The following LLGL2 variants were observed in gnomAD, a reference collection of about 807,000 sequenced individuals.
LLGL2 encodes LLGL2, scribble cell polarity complex component.
A neutral mutation model predicts 123.2 loss-of-function variants in LLGL2; 81 were observed. That is an observed-to-expected ratio of 0.66 (90% CI 0.55 to 0.79). The LOEUF (loss-of-function observed/expected upper bound fraction) is 0.79. Among genes scored for constraint, LLGL2 ranks in the 30% least tolerant of loss-of-function variants. The pLI is 0.00. For synonymous variants in LLGL2, 577 were observed against 594.1 expected, an observed-to-expected ratio of 0.97 and a Z score of 0.42; for missense variants, 1,273 against 1,414.6, an observed-to-expected ratio of 0.90 and a Z score of 1.61.
intron 10 of LLGL2, chr17:75,567,898 A>G: frequency 8.1e-6 from 2 of 245,958 alleles, no homozygotes; most frequent in Non-Finnish European, 1.3e-5. Flanking sequence ...CCGAGATCAC[A>G]CCACTGTACT....
chr17:75,555,642 A>G (rs192451173), intron 2 of LLGL2, among the ~76,000 whole-genome samples: 4 of 151,962 alleles, frequency 2.6e-5, no homozygotes, highest in Admixed American at 2.6e-4. Flanking sequence ...TGCAACCAAG[A>G]TTTTCTCCCG....
rs139094573 is a variant in LLGL2, at chr17:75,573,243, G to C, written c.2690G>C (p.Gly897Ala). The part of the protein sequence containing the change: ...YSCIRREDVS[G>A]IASCVFTKYG... ...TGCATCCGCCGGGAGGACGTCAGTGGCATCGCCTCCTGCGTCTTCACCAAA... is the reference window on the plus strand; with the variant it reads ...TGCATCCGCCGGGAGGACGTCAGTGCCATCGCCTCCTGCGTCTTCACCAAA... Residue 897 changes from glycine to alanine, a missense_variant, in exon 20 of 26, where the codon GGC (glycine) becomes GCC (alanine). Transcript: ENST00000392550. 3.6e-5 allele frequency: 58 copies of C among 1,608,522 alleles called. No individual in the cohort carries two copies. The African/African-American group carries it at 7.5e-4, about 21-fold the overall frequency.
Position 75,569,125 on chromosome 17 carries a change from C to T in LLGL2, c.1470C>T (p.Leu490=). ...SAQGEDEWPP[L]RKVGSFDPYS... The stretch of plus-strand genomic sequence containing the variant: ...AGGGCGAGGACGAGTGGCCCCCACT[C>T]CGCAAGGTGAGGCCAGGAGCCTGGG... Residue 490 remains leucine, a synonymous_variant, in exon 13 of 26, where the codon CTC becomes CTT. Coordinates refer to ENST00000392550, the MANE Select transcript of LLGL2 (RefSeq NM_001031803.2). The T allele has an allele frequency of 6.2e-7, 1 of 1,613,472 alleles. No homozygotes were observed. Among genetic ancestry groups the T allele is most frequent in the Non-Finnish European group, 8.5e-7 (1 of 1,179,916 alleles).
rs372916600 is a variant in LLGL2, at chr17:75,569,042, C to T, written c.1387C>T (p.Leu463Phe). Residue 463 changes from leucine (L) to phenylalanine (F), a missense_variant, in exon 13 of 26, where the codon CTC (leucine) becomes TTC (phenylalanine). Transcript: ENST00000392550. Reference sequence around the variant, plus strand: ...TGTCTGCCTGCGGCTGCTCTACAAACTCAGCACTGTGCGCGTGTTCCTCAC... The same window carrying T: ...TGTCTGCCTGCGGCTGCTCTACAAATTCAGCACTGTGCGCGTGTTCCTCAC... ...SGVCLRLLYK[L>F]STVRVFLTDT... 146 of 1,612,746 alleles carry T rather than the reference C, an allele frequency of 9.1e-5. No individual in the cohort carries two copies. The highest frequency in any genetic ancestry group is 7.5e-5 in the Non-Finnish European group (89 of 1,179,674).
intron 1 of LLGL2, among the ~76,000 whole-genome samples, chr17:75,539,208 C>T (rs915151061): frequency 2.6e-5 from 4 of 152,066 alleles, no homozygotes; most frequent in Non-Finnish European, 5.9e-5. Context: ...CAGGTGCATG[C>T]CACCATGCCC....
At chr17:75,557,469 C>G (rs1470616879) in intron 3 of LLGL2, among the ~76,000 whole-genome samples, 1 of 152,228 alleles carries the variant, frequency 6.6e-6, no homozygotes, top group Non-Finnish European at 1.5e-5. Flanking sequence ...AGATGAAAAA[C>G]CGGATCAGGT....
intron 2 of LLGL2, chr17:75,546,469 G>A (rs925274903): frequency 1.1e-5 from 2 of 177,176 alleles, no homozygotes; most frequent in African/African-American, 4.8e-5. Flanking sequence ...GGCCACGTCT[G>A]GCTGGCGGCT....
rs2055568062 is a variant in LLGL2 at position 75,568,961 on chromosome 17, G to A, written c.1323-17G>A. 6.2e-7 allele frequency: 1 copy of A among 1,605,618 alleles called. No homozygotes were observed. Among genetic ancestry groups the A allele is most frequent in the East Asian group, 2.2e-5 (1 of 44,680 alleles). On this transcript the variant is annotated splice_polypyrimidine_tract_variant and intron_variant, in intron 12 of 25. Coordinates refer to ENST00000392550, the MANE Select transcript of LLGL2 (RefSeq NM_001031803.2). ...CTGGCATCCCTCTCACGCCTGGCAG[G>A]TGGGTTCTGCCCACAGGCACGAGGA... is the stretch of plus-strand genomic sequence containing the variant.
chr17:75,529,730 G>A (rs967253062), intron 1 of LLGL2, among the ~76,000 whole-genome samples: 1 of 151,688 alleles, frequency 6.6e-6, no homozygotes, highest in Non-Finnish European at 1.5e-5. Context: ...GCGTGGTGGT[G>A]CGTGCCTGTA....
At position 75,570,488 on chromosome 17, in the gene LLGL2, C is replaced by T. The variant is rs1158120568; in HGVS notation, c.2015C>T (p.Pro672Leu). 1.9e-6 allele frequency: 3 copies of T among 1,574,050 alleles called. No individual in the cohort carries two copies. The highest frequency in any genetic ancestry group is 1.9e-4 in the Middle Eastern group (1 of 5,336). The change falls in exon 16 of 26, where the codon CCC (proline) becomes CTC (leucine). Residue 672 changes from proline to leucine, a missense_variant. Coordinates refer to ENST00000392550, the MANE Select transcript of LLGL2 (RefSeq NM_001031803.2). Reference sequence around the variant, plus strand: ...AGCCGGAAGCGGCACCCGGCTGGCCCCCCAGGAGAGGTGAGGCCTGAGGTG... The same window carrying T: ...AGCCGGAAGCGGCACCCGGCTGGCCTCCCAGGAGAGGTGAGGCCTGAGGTG... ...VSSRKRHPAG[P>L]PGEAQEGSAK...
At chr17:75,537,653 C>T (rs990973323) in intron 1 of LLGL2, among the ~76,000 whole-genome samples, 4 of 151,328 alleles carry the variant, frequency 2.6e-5, no homozygotes, top group East Asian at 2.0e-4. Flanking sequence ...GCTAAGATTA[C>T]ACCACTGCAC....
At position 75,574,935 on chromosome 17, in the gene LLGL2, G is replaced by A; in HGVS notation, c.*57G>A. The A allele has an allele frequency of 1.2e-6, 2 of 1,613,460 alleles. No homozygotes were observed. Among genetic ancestry groups the A allele is most frequent in the Non-Finnish European group, 1.7e-6 (2 of 1,179,750 alleles). ...CACACTACTACTGATGGCCTTTCGG[G>A]GGTCCCTGCCCCAACCGGAGAGGCC... is the stretch of plus-strand genomic sequence containing the variant. On this transcript the variant is annotated 3_prime_UTR_variant, in exon 26 of 26. Transcript: ENST00000392550.
In LLGL2 at chr17:75,574,313, C is replaced by G. The variant is rs201034531; in HGVS notation, c.2953+53C>G. On this transcript the variant is annotated intron_variant, in intron 23 of 25. Coordinates refer to ENST00000392550, the MANE Select transcript of LLGL2 (RefSeq NM_001031803.2). Reference sequence around the variant, plus strand: ...GGCAGGAGGGGTGGGGAAGGGGGGTCAGGGTCAAGGGAGGCTGGGCAGGCC... The same window carrying G: ...GGCAGGAGGGGTGGGGAAGGGGGGTGAGGGTCAAGGGAGGCTGGGCAGGCC... 993 of 1,515,568 alleles carry G rather than the reference C, an allele frequency of 6.6e-4. 3 individuals are homozygous for G. The highest frequency in any genetic ancestry group is 2.8e-3 in the East Asian group (113 of 40,616). The allele number at this position is 1,515,568 out of a possible 1,614,324, so 93.9% of individuals were successfully genotyped here. A position where few individuals can be genotyped will look rare whatever the true frequency, so the allele number is the denominator to read the frequency against.
Position 75,570,956 on chromosome 17 carries a change from G to A in LLGL2, c.2032G>A (p.Glu678Lys). The change falls in exon 17 of 26, where the codon GAG becomes AAG. Residue 678 changes from glutamate to lysine, a missense_variant. Glu to Lys is a moderately conservative substitution (Grantham distance 56). Coordinates refer to ENST00000392550, the MANE Select transcript of LLGL2 (RefSeq NM_001031803.2). The part of the protein sequence containing the change: ...HPAGPPGEAQ[E>K]GSAKAERPGL... ...GCTGGCCCACCCCTTGCAGGCACAG[G>A]AGGGGAGTGCCAAGGCTGAGCGGCC... is the stretch of plus-strand genomic sequence containing the variant. The A allele has an allele frequency of 6.2e-7, 1 of 1,609,296 alleles. No homozygotes were observed. Among genetic ancestry groups the A allele is most frequent in the South Asian group, 1.1e-5 (1 of 90,552 alleles).
chr17:75,531,837 C>G (rs942376521), intron 1 of LLGL2, among the ~76,000 whole-genome samples: 9 of 152,174 alleles, frequency 5.9e-5, no homozygotes, highest in Non-Finnish European at 1.3e-4. Flanking sequence ...ACTCACCCCT[C>G]TCTTCTTCCC....
intron 21 of LLGL2, 57 bp downstream of exon 21, chr17:75,573,688 G>C: frequency 7.1e-7 from 1 of 1,404,984 alleles, no homozygotes; most frequent in South Asian, 1.2e-5. Flanking sequence ...TGCCCTCTCT[G>C]AGATACCGAG....
chr17:75,573,217 C>G lies in LLGL2; in HGVS notation c.2664C>G (p.Ser888Arg). 1 of 1,611,612 alleles carries G rather than the reference C, an allele frequency of 6.2e-7. No individual in the cohort carries two copies. The highest frequency in any genetic ancestry group is 8.5e-7 in the Non-Finnish European group (1 of 1,178,822). Residue 888 changes from serine (S) to arginine (R), a missense_variant, in exon 20 of 26, where the codon AGC (serine) becomes AGG (arginine). Transcript: ENST00000392550. ...TGCTCAAGCCCCAGGTGCGCTACAG[C>G]TGCATCCGCCGGGAGGACGTCAGTG... ...LPLLKPQVRY[S>R]CIRREDVSGI... is the part of the protein sequence containing the mutation.
At chr17:75,532,638 T>G (rs373885102) in intron 1 of LLGL2, 4 of 152,328 alleles carry the variant, frequency 2.6e-5, no homozygotes, top group African/African-American at 9.6e-5. Context: ...TTGGTCAGGC[T>G]GGTCTCTAAC....
Position 75,558,866 on chromosome 17 carries a change from GCCTCCTCCAT to G in LLGL2, c.371+242_371+251del, listed in dbSNP as rs1568052081. ...ACCCCACCTCCTCCATCCGCACCCC[GCCTCCTCCAT>G]CCGCACCCCACCTCCTCCATCCACA... On this transcript the variant is annotated intron_variant, in intron 5 of 25. Transcript: ENST00000392550. This position sits in a 1 kb window ranked among gnomAD's most constrained non-coding sequence, Gnocchi z 4.0. 2 of 205,210 alleles carry G rather than the reference GCCTCCTCCAT, an allele frequency of 9.7e-6. No individual in the cohort carries two copies. Among genetic ancestry groups the G allele is most frequent in the Non-Finnish European group, 8.8e-6 (1 of 113,002 alleles). 12.7% of individuals were successfully genotyped at this position (205,210 alleles called of 1,614,324 possible). A position where few individuals can be genotyped will look rare whatever the true frequency, so the allele number is the denominator to read the frequency against.
Sources: gnomAD v4.1 joint callset for allele counts (sites outside exome capture counted in the v4.1 genomes callset) on GRCh38, gnomAD v4.1.1 for gene constraint, Gnocchi (gnomAD v3.1) non-coding constraint, MANE v1.5 for transcripts, NCBI Gene and HGNC (gene_info 2026-07-23, HGNC 2026-07-21) for gene names.